GBP6: variants seen among roughly 807,000 people sequenced by gnomAD.
The protein encoded by GBP6 is guanylate binding protein family member 6, also known as guanylate-binding protein 6.
In GBP6, 54 loss-of-function variants were observed where a neutral mutation model predicts 61.5. The ratio of observed to expected loss-of-function variants is 0.88; its 90% CI spans 0.71 to 1.10. GBP6 has a LOEUF of 1.10. GBP6 is among the 50% of genes least tolerant of loss of function. The pLI is 0.00. For missense variants in GBP6, 748 were observed against 752.8 expected (o/e 0.99, Z 0.07); for synonymous variants, 255 against 273.7 (o/e 0.93, Z 0.67).
At chr1:89,369,494 C>A (rs377663961) in intron 2 of GBP6, 52 bp from the exon 3 acceptor site, 1 of 1,581,036 alleles carries the variant, frequency 6.3e-7, no homozygotes, top group Admixed American at 1.8e-5. Context: ...GGCCCCAGGG[C>A]GGCTTGGCTG....
At chr1:89,381,603 T>C in intron 6 of GBP6, 91 bp from the exon 7 acceptor site, 3 of 1,301,206 alleles carry the variant, frequency 2.3e-6, no homozygotes, top group East Asian at 2.3e-5. Context: ...CGCGCGTGTA[T>C]GTAAGTGCAT....
intron 3 of GBP6, among the ~76,000 whole-genome samples, chr1:89,375,259 T>C (rs1159335005): frequency 6.6e-6 from 1 of 152,004 alleles, no homozygotes; most frequent in African/African-American, 2.4e-5. Context: ...AACAATCATA[T>C]GAAAAAAAAG....
chr1:89,380,661 C>A (rs371475454), intron 6 of GBP6, 30 bp downstream of exon 6: 1 of 1,603,720 alleles, frequency 6.2e-7, no homozygotes, highest in African/African-American at 1.3e-5. Flanking sequence ...TTCTGTGGGG[C>A]CTCATGTGTG....
chr1:89,367,972 G>A (rs1652510515), intron 1 of GBP6, among the ~76,000 whole-genome samples: 1 of 152,138 alleles, frequency 6.6e-6, no homozygotes, highest in African/African-American at 2.4e-5. Context: ...TTGGACATTT[G>A]CCTGGTTGCT....
chr1:89,375,809 A>C (rs867522139), intron 3 of GBP6, among the ~76,000 whole-genome samples: 5 of 151,646 alleles, frequency 3.3e-5, no homozygotes, highest in African/African-American at 1.2e-4. Context: ...TTTCGGTGTC[A>C]TATCCAAAAA....
chr1:89,373,733 G>A (rs1652715280), intron 3 of GBP6, among the ~76,000 whole-genome samples: 1 of 152,044 alleles, frequency 6.6e-6, no homozygotes, highest in South Asian at 2.1e-4. Flanking sequence ...GTTAATGGGT[G>A]CAGCACACCA....
rs1428514891 is a variant in GBP6 at position 89,368,559 on chromosome 1, CT to C, written c.9del (p.Gly4AspfsTer20). ...TCTAGGTTGGCAGTTGCCATGGAAT[CT>C]GGACCCAAAATGTTGGCCCCCGTTT... ME[S>X]GPKMLAPVCL... On this transcript the variant is annotated frameshift_variant, in exon 2 of 11. Transcript: ENST00000370456. LOFTEE classifies it high-confidence loss of function. 2.5e-6 allele frequency: 4 copies of C among 1,613,514 alleles called. No homozygotes were observed. Among genetic ancestry groups the C allele is most frequent in the Non-Finnish European group, 3.4e-6 (4 of 1,179,640 alleles).
intron 3 of GBP6, among the ~76,000 whole-genome samples, chr1:89,374,786 G>C (rs1032036699): frequency 6.6e-6 from 1 of 151,966 alleles, no homozygotes; most frequent in Non-Finnish European, 1.5e-5. Flanking sequence ...TAACTTCAGC[G>C]GTACATGTGC....
chr1:89,380,357 T>C (rs777826698), intron 5 of GBP6, 29 bp from the exon 6 acceptor site: 32 of 1,525,132 alleles, frequency 2.1e-5, no homozygotes, highest in Non-Finnish European at 2.5e-5. Context: ...CTGTTTTCAC[T>C]ATATTCTCTG....
Position 89,385,347 on chromosome 1 carries a change from G to A in GBP6, c.1780G>A (p.Ala594Thr), listed in dbSNP as rs1653106892. ...AAAAAATGATGATACTCCCTGGATTGCACGAACCTTGGACAACCTTGCCGA... is the reference window on the plus strand; with the variant it reads ...AAAAAATGATGATACTCCCTGGATTACACGAACCTTGGACAACCTTGCCGA... ...TTKNDDTPWIARTLDNLADEL... is the reference protein window; with the variant it reads ...TTKNDDTPWITRTLDNLADEL... Residue 594 changes from alanine to threonine, a missense_variant, in exon 11 of 11, where the codon GCA becomes ACA. Coordinates refer to ENST00000370456, the MANE Select transcript of GBP6 (RefSeq NM_198460.3). The A allele has an allele frequency of 6.2e-7, 1 of 1,614,112 alleles. No homozygotes were observed. Among genetic ancestry groups the A allele is most frequent in the African/African-American group, 1.3e-5 (1 of 75,024 alleles).
At chr1:89,383,325 T>C (rs1292697434) in intron 8 of GBP6, among the ~76,000 whole-genome samples, 5 of 152,150 alleles carry the variant, frequency 3.3e-5, no homozygotes, top group African/African-American at 1.2e-4. Flanking sequence ...CAGCATAGAT[T>C]AGAGGCAGCA....
intron 1 of GBP6, among the ~76,000 whole-genome samples, chr1:89,366,192 C>A (rs7525069): frequency 0.79 from 120,065 of 152,154 alleles, 47,432 homozygotes; most frequent in East Asian, 0.83. Flanking sequence ...TACATAATTT[C>A]TCTCTCTCTC....
chr1:89,380,479 C>A lies in GBP6; in HGVS notation c.719C>A (p.Thr240Lys). ...AAGTGTTTCGTCTTTGACCGGCCAA[C>A]AAATGACAAAGACCTTCTAGCCAAT... ...KRKCFVFDRP[T>K]NDKDLLANIE... is the part of the protein sequence containing the mutation. Residue 240 changes from threonine to lysine, a missense_variant, in exon 6 of 11, where the codon ACA becomes AAA. Coordinates refer to ENST00000370456, the MANE Select transcript of GBP6 (RefSeq NM_198460.3). The A allele has an allele frequency of 1.9e-6, 3 of 1,614,088 alleles. No individual in the cohort carries two copies. The highest frequency in any genetic ancestry group is 2.5e-6 in the Non-Finnish European group (3 of 1,180,002).
At chr1:89,374,766 C>T (rs1307393602) in intron 3 of GBP6, among the ~76,000 whole-genome samples, 5 of 152,014 alleles carry the variant, frequency 3.3e-5, no homozygotes, top group African/African-American at 1.2e-4. Context: ...CATTTTTTTA[C>T]TGTTTATTTT....
At position 89,378,120 on chromosome 1, in the gene GBP6, CTCCTGGA is replaced by C. The variant is rs757297363; in HGVS notation, c.339_345del (p.Trp114LeufsTer16). 1.2e-6 allele frequency: 2 copies of C among 1,613,006 alleles called. No homozygotes were observed. Among genetic ancestry groups the C allele is most frequent in the Non-Finnish European group, 1.7e-6 (2 of 1,179,734 alleles). On this transcript the variant is annotated frameshift_variant, in exon 4 of 11. Coordinates refer to ENST00000370456, the MANE Select transcript of GBP6 (RefSeq NM_198460.3). LOFTEE classifies it high-confidence loss of function. The stretch of plus-strand genomic sequence containing the variant: ...CTTTTTAGGGTGACCCTAAGAATGA[CTCCTGGA>C]TCTTTGCCCTGGCTGTGCTCCTGTG...
At chr1:89,384,328 C>T in intron 10 of GBP6, 42 bp downstream of exon 10, 1 of 1,505,372 alleles carries the variant, frequency 6.6e-7, no homozygotes, top group South Asian at 1.3e-5. Context: ...CGGTCCTCAC[C>T]CAGGTACCTC....
chr1:89,375,199 C>A (rs1191177312), intron 3 of GBP6, among the ~76,000 whole-genome samples: 3 of 152,074 alleles, frequency 2.0e-5, no homozygotes, highest in Non-Finnish European at 4.4e-5. Context: ...GATTCCATGT[C>A]TTTGCTATTA....
rs181571981 is a variant in GBP6, at chr1:89,380,159, A to T, written c.626-227A>T. 2.0e-3 allele frequency among the ~76,000 whole-genome samples: 310 copies of T among 152,310 alleles called. 1 individual carries two copies. Among genetic ancestry groups the T allele is most frequent in the Non-Finnish European group, 2.3e-3 (158 of 68,030 alleles). ...TTTCGAAAAAACAAAACAATACAAG[A>T]TTATATTCTTGTTACATTTAGTCTT... On this transcript the variant is annotated intron_variant, in intron 5 of 10. Transcript: ENST00000370456.
intron 8 of GBP6, among the ~76,000 whole-genome samples, chr1:89,383,130 C>G (rs1653035936): frequency 6.6e-6 from 1 of 152,116 alleles, no homozygotes; most frequent in Non-Finnish European, 1.5e-5. Context: ...AATAATACAA[C>G]TAACTCACGA....
Sources: allele counts gnomAD v4.1 joint callset (sites outside exome capture counted in the v4.1 genomes callset), GRCh38; gene constraint gnomAD v4.1.1; transcripts MANE v1.5; gene names NCBI Gene and HGNC (gene_info 2026-07-23, HGNC 2026-07-21).